APBB2: variants seen among roughly 807,000 people sequenced by gnomAD.
APBB2 encodes the protein amyloid beta precursor protein binding family B member 2, also known as Fe65-like 1.
In APBB2, 38 loss-of-function variants were observed where a neutral mutation model predicts 82.5. The ratio of observed to expected loss-of-function variants is 0.46; its 90% CI spans 0.36 to 0.60. APBB2 has a LOEUF of 0.60. Among genes scored for constraint, APBB2 ranks in the 20% least tolerant of loss-of-function variants. The pLI, the probability that APBB2 is intolerant of heterozygous loss-of-function variation, is 0.00. For missense variants in APBB2, 772 were observed against 972.3 expected, an observed-to-expected ratio of 0.79 and a Z score of 2.74; for synonymous variants, 341 against 368.2, an observed-to-expected ratio of 0.93 and a Z score of 0.85.
intron 1 of APBB2, among the ~76,000 whole-genome samples, chr4:41,174,082 C>T (rs1326876257): frequency 1.3e-5 from 2 of 152,178 alleles, no homozygotes; most frequent in African/African-American, 4.8e-5. Flanking sequence ...TAACAGGTAA[C>T]TGTGGACTGA....
intron 1 of APBB2, among the ~76,000 whole-genome samples, chr4:41,160,091 A>G (rs991339122): frequency 6.6e-6 from 1 of 152,106 alleles, no homozygotes; most frequent in Non-Finnish European, 1.5e-5. Flanking sequence ...TTTTGGGAAA[A>G]CATCAAGGAT....
At chr4:40,846,719 G>A (rs1757782837) in intron 12 of APBB2, among the ~76,000 whole-genome samples, 1 of 152,144 alleles carries the variant, frequency 6.6e-6, no homozygotes, top group South Asian at 2.1e-4. Context: ...AGTTAAAGTG[G>A]TTGAGGTTAT....
chr4:40,870,345 C>T (rs1765142573), intron 12 of APBB2, among the ~76,000 whole-genome samples: 1 of 152,128 alleles, frequency 6.6e-6, no homozygotes, highest in Admixed American at 6.5e-5. Context: ...GGACAGGGAC[C>T]CGTGCCAAGC....
At chr4:41,102,819 T>C (rs1297111293) in intron 2 of APBB2, among the ~76,000 whole-genome samples, 2 of 152,248 alleles carry the variant, frequency 1.3e-5, no homozygotes, top group African/African-American at 4.8e-5. Flanking sequence ...TATTGCACTA[T>C]TTATGTATTT....
intron 4 of APBB2, among the ~76,000 whole-genome samples, chr4:41,048,070 T>C (rs532408516): frequency 9.2e-5 from 14 of 152,364 alleles, no homozygotes; most frequent in Non-Finnish European, 1.8e-4. Flanking sequence ...TTCAACATAT[T>C]ATACATATGA....
At chr4:40,984,192 A>C (rs1389406396) in intron 6 of APBB2, among the ~76,000 whole-genome samples, 1 of 152,174 alleles carries the variant, frequency 6.6e-6, no homozygotes, top group Non-Finnish European at 1.5e-5. Flanking sequence ...ACCCTTTCTC[A>C]GTAGAAGCAG....
At chr4:41,024,640 C>T (rs1713203413) in intron 5 of APBB2, among the ~76,000 whole-genome samples, 2 of 152,222 alleles carry the variant, frequency 1.3e-5, no homozygotes, top group South Asian at 2.1e-4. Context: ...CCCAGCCCTC[C>T]TTCAACATAG....
At chr4:41,200,195 A>G (rs1453885860) in intron 1 of APBB2, among the ~76,000 whole-genome samples, 1 of 152,244 alleles carries the variant, frequency 6.6e-6, no homozygotes, top group Non-Finnish European at 1.5e-5. Flanking sequence ...AAAATGCACT[A>G]TAGAGCAAAG....
chr4:41,173,028 C>A (rs1188215944), intron 1 of APBB2, among the ~76,000 whole-genome samples: 1 of 152,190 alleles, frequency 6.6e-6, no homozygotes, highest in Non-Finnish European at 1.5e-5. Context: ...TCGCTGTCAT[C>A]TTCTCTTTCA....
chr4:41,086,335 C>T (rs1200429700), intron 3 of APBB2, among the ~76,000 whole-genome samples: 1 of 152,098 alleles, frequency 6.6e-6, no homozygotes, highest in Non-Finnish European at 1.5e-5. Flanking sequence ...TACCCTGATA[C>T]CAAAGAAAAA....
intron 10 of APBB2, among the ~76,000 whole-genome samples, chr4:40,898,586 C>G (rs13141063): frequency 4.0e-5 from 6 of 151,520 alleles, no homozygotes; most frequent in Admixed American, 6.6e-5. Flanking sequence ...TATTGATAAA[C>G]TTTTACTCTT....
intron 2 of APBB2, among the ~76,000 whole-genome samples, chr4:41,137,139 T>A (rs1441522125): frequency 6.6e-6 from 1 of 152,198 alleles, no homozygotes; most frequent in Non-Finnish European, 1.5e-5. Context: ...TACACTATGT[T>A]ACCAAACACA....
At chr4:40,833,935 C>T (rs1305788835) in intron 12 of APBB2, among the ~76,000 whole-genome samples, 1 of 152,052 alleles carries the variant, frequency 6.6e-6, no homozygotes, top group Non-Finnish European at 1.5e-5. Flanking sequence ...GCCCTCTGTG[C>T]CTCAGTTCTT....
intron 12 of APBB2, among the ~76,000 whole-genome samples, chr4:40,849,599 A>G (rs1758662350): frequency 1.3e-5 from 2 of 152,212 alleles, no homozygotes; most frequent in South Asian, 4.1e-4. Context: ...TGGACTGAAA[A>G]GCTGCCCTTT....
At chr4:41,099,570 T>C (rs1321077372) in intron 3 of APBB2, among the ~76,000 whole-genome samples, 1 of 152,162 alleles carries the variant, frequency 6.6e-6, no homozygotes, top group Non-Finnish European at 1.5e-5. Context: ...TTATAATTAT[T>C]ACAAAATAAA....
chr4:41,051,612 G>A (rs558006968), intron 4 of APBB2, among the ~76,000 whole-genome samples: 1 of 152,152 alleles, frequency 6.6e-6, no homozygotes, highest in South Asian at 2.1e-4. Flanking sequence ...AGTAACATGT[G>A]AATTCTCATC....
At chr4:41,101,215 A>T (rs963090547) in intron 2 of APBB2, among the ~76,000 whole-genome samples, 1 of 152,104 alleles carries the variant, frequency 6.6e-6, no homozygotes, top group African/African-American at 2.4e-5. Flanking sequence ...CTGTAATCCC[A>T]GCACTTTGGG....
At chr4:41,200,220 C>T (rs1776365234) in intron 1 of APBB2, among the ~76,000 whole-genome samples, 2 of 152,158 alleles carry the variant, frequency 1.3e-5, no homozygotes, top group East Asian at 3.8e-4. Context: ...TCAAAGCAAA[C>T]ATTGTGGTGA....
At chr4:41,000,341 T>C (rs778660867) in intron 6 of APBB2, among the ~76,000 whole-genome samples, 2 of 152,126 alleles carry the variant, frequency 1.3e-5, no homozygotes, top group Admixed American at 1.3e-4. Flanking sequence ...TTCCTTCTCC[T>C]AGGAGAAATA....
Sources: allele counts gnomAD v4.1 joint callset (sites outside exome capture counted in the v4.1 genomes callset), GRCh38; gene constraint gnomAD v4.1.1; transcripts MANE v1.5; gene names NCBI Gene and HGNC (gene_info 2026-07-23, HGNC 2026-07-21).